ANAPC4: variants seen among roughly 807,000 people sequenced by gnomAD.
ANAPC4 encodes the protein anaphase-promoting complex subunit 4.
In ANAPC4, 63 loss-of-function variants were observed where a neutral mutation model predicts 119.8. The observed-to-expected ratio is 0.53, with a 90% CI of 0.43 to 0.65. ANAPC4 has a LOEUF of 0.65. ANAPC4 is among the 30% of genes least tolerant of loss of function. The probability of loss-of-function intolerance (pLI) is 0.00; values close to 1 mark genes in which losing one functional copy is unlikely to be tolerated. For synonymous variants in ANAPC4, 283 were observed against 318.6 expected, an observed-to-expected ratio of 0.89 and a Z score of 1.19; for missense variants, 716 against 945.1, an observed-to-expected ratio of 0.76 and a Z score of 3.18.
In ANAPC4 at chr4:25,396,708, T is replaced by C. The variant is rs1312465353; in HGVS notation, c.1106T>C (p.Met369Thr). The change falls in exon 15 of 29, where the codon ATG (methionine) becomes ACG (threonine). Residue 369 changes from methionine to threonine, a missense_variant. Transcript: ENST00000315368. The part of the protein sequence containing the change: ...LLYHLSELKG[M>T]ASWKQKYEPL... ...TACCATTTGAGTGAATTGAAAGGAA[T>C]GGCTTCATGGAAGCAAAAATATGAA... is the stretch of plus-strand genomic sequence containing the variant. 6.2e-7 allele frequency: 1 copy of C among 1,613,608 alleles called. No individual in the cohort carries two copies. Among genetic ancestry groups the C allele is most frequent in the East Asian group, 2.2e-5 (1 of 44,830 alleles).
At chr4:25,382,557 G>C (rs535730480) in intron 3 of ANAPC4, among the ~76,000 whole-genome samples, 1 of 152,252 alleles carries the variant, frequency 6.6e-6, no homozygotes, top group African/African-American at 2.4e-5. Context: ...TTTTTTAAAA[G>C]TCTCATGTTT....
At chr4:25,417,155 C>T (rs1233358037) in intron 27 of ANAPC4, 1 of 152,006 alleles carries the variant, frequency 6.6e-6, no homozygotes, top group Non-Finnish European at 1.5e-5. Context: ...AACAGGGCCT[C>T]TCTTTGTCAC....
chr4:25,383,215 C>T (rs1721841575), intron 3 of ANAPC4, 46 bp from the exon 4 acceptor site: 6 of 1,495,214 alleles, frequency 4.0e-6, no homozygotes, highest in Non-Finnish European at 5.4e-6. Context: ...ATTTATTTTT[C>T]TCAATTGTTA....
intron 21 of ANAPC4, among the ~76,000 whole-genome samples, 179 bp downstream of exon 21, chr4:25,409,970 T>C (rs1723473522): frequency 6.6e-6 from 1 of 152,216 alleles, no homozygotes; most frequent in South Asian, 2.1e-4. Context: ...ATCACCATGA[T>C]AGATAGAAGA....
At chr4:25,393,761 T>C in intron 10 of ANAPC4, 44 bp from the exon 11 acceptor site, 2 of 1,308,550 alleles carry the variant, frequency 1.5e-6, no homozygotes, top group Non-Finnish European at 2.1e-6. Flanking sequence ...AGCAAGTTGG[T>C]TTAAATATTT....
At chr4:25,403,510 G>A (rs1480147882) in intron 17 of ANAPC4, among the ~76,000 whole-genome samples, 1 of 151,970 alleles carries the variant, frequency 6.6e-6, no homozygotes, top group Non-Finnish European at 1.5e-5. Context: ...GTAAGTATCA[G>A]GCACTGTTAG....
In ANAPC4 at chr4:25,418,271, G is replaced by A. The variant is rs139889438; in HGVS notation, c.2316G>A (p.Lys772=). The A allele has an allele frequency of 4.3e-6, 7 of 1,613,902 alleles. No homozygotes were observed. The highest frequency in any genetic ancestry group is 3.3e-5 in the Admixed American group (2 of 59,982). The change falls in exon 29 of 29, where the codon AAG becomes AAA. Residue 772 remains lysine, a synonymous_variant. Transcript: ENST00000315368. The part of the protein sequence containing the change: ...EEASNKPVKI[K]EEVLSESEAE... ...CCAGTAATAAGCCTGTAAAAATAAA[G>A]GAAGAAGTGTTGTCGGAGTCAGAGG...
At chr4:25,379,764 AGGGTCAT>A (rs1721612187) in intron 2 of ANAPC4, among the ~76,000 whole-genome samples, 1 of 152,074 alleles carries the variant, frequency 6.6e-6, no homozygotes, top group Admixed American at 6.5e-5. Context: ...GAGATAAGGC[AGGGTCAT>A]GGTGGCTTAG....
At chr4:25,409,622 GTC>G in intron 20 of ANAPC4, 74 bp from the exon 21 acceptor site, 1 of 1,128,496 alleles carries the variant, frequency 8.9e-7, no homozygotes, top group South Asian at 1.5e-5. Flanking sequence ...ACTTTTTTTT[GTC>G]TTTTACTTTT....
At chr4:25,406,038 C>T (rs113365203) in intron 18 of ANAPC4, among the ~76,000 whole-genome samples, 1,692 of 152,246 alleles carry the variant, frequency 0.011, 17 homozygotes, top group South Asian at 0.027. Flanking sequence ...CTGTGACAAC[C>T]AGTGATGGAA....
chr4:25,415,917 A>G (rs940446618), intron 26 of ANAPC4: 1 of 183,592 alleles, frequency 5.4e-6, no homozygotes, highest in Admixed American at 6.0e-5. Flanking sequence ...CAAAATGGTA[A>G]CAGTACCTAA....
intron 21 of ANAPC4, 104 bp downstream of exon 21, chr4:25,409,895 C>T (rs1220526259): frequency 1.4e-6 from 1 of 727,674 alleles, no homozygotes; most frequent in Non-Finnish European, 2.3e-6. Flanking sequence ...TGAACACTTA[C>T]CTAAGTTTAT....
At position 25,393,827 on chromosome 4, in the gene ANAPC4, G is replaced by A; in HGVS notation, c.812G>A (p.Cys271Tyr). Residue 271 changes from cysteine to tyrosine, a missense_variant, in exon 11 of 29, where the codon TGT becomes TAT. Coordinates refer to ENST00000315368, the MANE Select transcript of ANAPC4 (RefSeq NM_013367.3). Reference sequence around the variant, plus strand: ...TAGTATATAAATTTGTCACTAACATGTATGTGTGAAGCATGGGAAGAAATA... The same window carrying A: ...TAGTATATAAATTTGTCACTAACATATATGTGTGAAGCATGGGAAGAAATA... ...LLQYINLSLT[C>Y]MCEAWEEILM... 6.2e-7 allele frequency: 1 copy of A among 1,607,008 alleles called. No individual in the cohort carries two copies. Among genetic ancestry groups the A allele is most frequent in the African/African-American group, 1.3e-5 (1 of 74,784 alleles).
At chr4:25,393,531 G>A (rs1490571351) in intron 10 of ANAPC4, among the ~76,000 whole-genome samples, 1 of 152,178 alleles carries the variant, frequency 6.6e-6, no homozygotes, top group South Asian at 2.1e-4. Context: ...GCATGGTGAC[G>A]CACGCATATA....
At chr4:25,415,108 A>G (rs1440800500) in intron 25 of ANAPC4, 1 of 195,328 alleles carries the variant, frequency 5.1e-6, no homozygotes, top group African/African-American at 2.3e-5. Flanking sequence ...TTCATTAAAC[A>G]AGAGGCCTTG....
intron 28 of ANAPC4, 119 bp downstream of exon 28, chr4:25,417,858 T>C: frequency 7.4e-7 from 1 of 1,348,764 alleles, no homozygotes; most frequent in South Asian, 1.5e-5. Flanking sequence ...TTTACTGTGA[T>C]TTATAGCTTG....
intron 21 of ANAPC4, among the ~76,000 whole-genome samples, chr4:25,412,611 G>T (rs1723634680): frequency 6.6e-6 from 1 of 152,014 alleles, no homozygotes; most frequent in East Asian, 1.9e-4. Flanking sequence ...AATTAGCTGG[G>T]TGTGGTGGTG....
chr4:25,412,666 G>T (rs562211268), intron 21 of ANAPC4, among the ~76,000 whole-genome samples: 1 of 151,764 alleles, frequency 6.6e-6, no homozygotes, highest in Non-Finnish European at 1.5e-5. Context: ...CAGGAGAATC[G>T]CTTGAATCCG....
chr4:25,398,311 G>A (rs1233706435), intron 16 of ANAPC4, among the ~76,000 whole-genome samples: 2 of 152,172 alleles, frequency 1.3e-5, no homozygotes, highest in Non-Finnish European at 2.9e-5. Flanking sequence ...AAGGACCTAG[G>A]GCATGATAAG....
Sources: gnomAD v4.1 joint callset for allele counts (sites outside exome capture counted in the v4.1 genomes callset) on GRCh38, gnomAD v4.1.1 for gene constraint, MANE v1.5 for transcripts, NCBI Gene and HGNC (gene_info 2026-07-23, HGNC 2026-07-21) for gene names.